The following SPATS2L variants were observed in gnomAD, a reference collection of about 807,000 sequenced individuals.
SPATS2L encodes spermatogenesis associated serine rich 2 like.
SPATS2L carries 30 observed loss-of-function variants against 59.6 expected under a neutral mutation model. That is an observed-to-expected ratio of 0.50 (90% CI 0.38 to 0.68). SPATS2L has a LOEUF of 0.68. Ranked by LOEUF, SPATS2L falls within the 30% of genes least tolerant of loss-of-function variation. The pLI, the probability that SPATS2L is intolerant of heterozygous loss-of-function variation, is 0.00. For missense variants in SPATS2L, 615 were observed against 700.0 expected, an observed-to-expected ratio of 0.88 and a Z score of 1.37; for synonymous variants, 252 against 263.5, an observed-to-expected ratio of 0.96 and a Z score of 0.42.
intron 2 of SPATS2L, among the ~76,000 whole-genome samples, chr2:200,330,809 C>G (rs899092891): frequency 1.3e-5 from 2 of 152,192 alleles, no homozygotes; most frequent in African/African-American, 4.8e-5. Flanking sequence ...CTGCCTGTCA[C>G]TAATCATATT....
At chr2:200,350,404 G>T (rs2080680067) in intron 2 of SPATS2L, among the ~76,000 whole-genome samples, 1 of 152,104 alleles carries the variant, frequency 6.6e-6, no homozygotes, top group Admixed American at 6.6e-5. Flanking sequence ...ATCCAAGCAG[G>T]TTTTGGAAGA....
At chr2:200,473,553 AAGG>A (rs1273511145) in intron 12 of SPATS2L, among the ~76,000 whole-genome samples, 1 of 152,228 alleles carries the variant, frequency 6.6e-6, no homozygotes, top group African/African-American at 2.4e-5. Context: ...GGATTTCAGT[AAGG>A]AGAATACATT....
chr2:200,443,437 A>T (rs1384660394), intron 8 of SPATS2L, among the ~76,000 whole-genome samples: 1 of 152,196 alleles, frequency 6.6e-6, no homozygotes, highest in Non-Finnish European at 1.5e-5. Flanking sequence ...TCAGGATTAC[A>T]TCATGAGGCA....
At chr2:200,461,764 T>C (rs545465250) in intron 9 of SPATS2L, among the ~76,000 whole-genome samples, 2 of 152,368 alleles carry the variant, frequency 1.3e-5, no homozygotes, top group South Asian at 4.1e-4. Context: ...TTCATTCTTT[T>C]TTATTTTTCT....
chr2:200,334,129 AGT>A (rs1217013513), intron 2 of SPATS2L, among the ~76,000 whole-genome samples: 1 of 152,200 alleles, frequency 6.6e-6, no homozygotes, highest in African/African-American at 2.4e-5. Flanking sequence ...ACAGTGTAAA[AGT>A]GTTCCTATTT....
chr2:200,458,446 G>A (rs547982829), intron 8 of SPATS2L, among the ~76,000 whole-genome samples: 1 of 152,010 alleles, frequency 6.6e-6, no homozygotes, highest in South Asian at 2.1e-4. Flanking sequence ...CTTATCAAGT[G>A]TTCCTCCTAA....
chr2:200,419,092 A>C (rs972713127), intron 5 of SPATS2L, among the ~76,000 whole-genome samples, 158 bp from the exon 6 acceptor site: 1 of 152,148 alleles, frequency 6.6e-6, no homozygotes, highest in African/African-American at 2.4e-5. Context: ...ACTTAAATTA[A>C]CTTGGGTGGT....
chr2:200,320,339 G>T (rs888819421), intron 1 of SPATS2L, among the ~76,000 whole-genome samples: 2 of 152,154 alleles, frequency 1.3e-5, no homozygotes, highest in African/African-American at 4.8e-5. Context: ...TATTTTTAAT[G>T]TATCTAAGAG....
At position 200,389,330 on chromosome 2, in the gene SPATS2L, A is replaced by G. The variant is rs766928186; in HGVS notation, c.39+47A>G. 48 of 1,332,860 alleles carry G rather than the reference A, an allele frequency of 3.6e-5. No individual in the cohort carries two copies. In the South Asian group the frequency reaches 5.7e-4, roughly 16 times the overall value. 82.6% of individuals were successfully genotyped at this position (1,332,860 alleles called of 1,614,324 possible). ...GCTCACAGAAACTCCAAACTAGGTA[A>G]TGCAGTTCCTAGCAGGTAAAAACTC... On this transcript the variant is annotated intron_variant, in intron 3 of 12. Transcript: ENST00000409140.
intron 12 of SPATS2L, 85 bp from the exon 13 acceptor site, chr2:200,477,551 C>A: frequency 7.6e-6 from 4 of 527,558 alleles, no homozygotes; most frequent in Non-Finnish European, 1.1e-5. Context: ...TTACCTGTGG[C>A]TTAGAGATTT....
intron 12 of SPATS2L, 29 bp downstream of exon 12, chr2:200,473,081 A>G (rs779272138): frequency 1.2e-5 from 17 of 1,421,056 alleles, no homozygotes; most frequent in Non-Finnish European, 1.3e-5. Flanking sequence ...AGGGTGCCAG[A>G]GGAAAAAAAA....
intron 9 of SPATS2L, among the ~76,000 whole-genome samples, chr2:200,466,918 G>A (rs2086643186): frequency 6.6e-6 from 1 of 152,210 alleles, no homozygotes; most frequent in African/African-American, 2.4e-5. Context: ...TAGACTTCCT[G>A]TCTTGGCGGT....
chr2:200,346,426 A>C lies in SPATS2L; in HGVS notation c.-23+16946A>C, dbSNP rs532264744. On this transcript the variant is annotated intron_variant, in intron 2 of 12. Transcript: ENST00000409140. ...CTCTCAGTTCTGAAGTTGTGTGACT[A>C]TGATCTATAAAGGTCATTTATTGTT... 2.0e-5 allele frequency among the ~76,000 whole-genome samples: 3 copies of C among 152,272 alleles called. No homozygotes were observed. In the East Asian group the frequency reaches 5.8e-4, roughly 29 times the overall value.
intron 9 of SPATS2L, among the ~76,000 whole-genome samples, chr2:200,462,544 G>A (rs999587644): frequency 2.6e-5 from 4 of 152,186 alleles, no homozygotes; most frequent in Non-Finnish European, 4.4e-5. Context: ...TTTTGAGGCA[G>A]GCAGAACTGA....
intron 1 of SPATS2L, chr2:200,308,817 A>T (rs2079106957): frequency 2.3e-6 from 1 of 442,846 alleles, no homozygotes; most frequent in African/African-American, 2.0e-5. Context: ...TCTAAGAATC[A>T]ACTTAGTTTA....
intron 1 of SPATS2L, 144 bp downstream of exon 1, chr2:200,307,066 A>G (rs2105731507): frequency 2.9e-6 from 2 of 686,380 alleles, no homozygotes; most frequent in Non-Finnish European, 3.6e-6. Flanking sequence ...CGCCTCCCGG[A>G]GCGCTGGGTG....
chr2:200,402,646 A>G (rs887899690), intron 3 of SPATS2L, among the ~76,000 whole-genome samples: 8 of 152,072 alleles, frequency 5.3e-5, no homozygotes, highest in African/African-American at 1.9e-4. Flanking sequence ...TTCATCAAAC[A>G]TTTGCCTTCC....
At chr2:200,403,820 A>G (rs1450070683) in intron 3 of SPATS2L, among the ~76,000 whole-genome samples, 2 of 152,240 alleles carry the variant, frequency 1.3e-5, no homozygotes, top group Non-Finnish European at 2.9e-5. Flanking sequence ...AGGCCTGCTC[A>G]GCATTCCATC....
rs1258154165 is a variant in SPATS2L at position 200,469,896 on chromosome 2, T to G, written c.958-18T>G. The G allele has an allele frequency of 6.3e-7, 1 of 1,594,218 alleles. No homozygotes were observed. The highest frequency in any genetic ancestry group is 1.7e-5 in the Admixed American group (1 of 57,366). ...TTCTGTAATCATGGGGTTCCTGCTT[T>G]TCATCTCTTTCCTCCAGCACTTTGT... On this transcript the variant is annotated intron_variant, in intron 10 of 12. Coordinates refer to ENST00000409140, the MANE Select transcript of SPATS2L (RefSeq NM_001100423.2).
Sources: gnomAD v4.1 joint callset for allele counts (sites outside exome capture counted in the v4.1 genomes callset) on GRCh38, gnomAD v4.1.1 for gene constraint, MANE v1.5 for transcripts, NCBI Gene and HGNC (gene_info 2026-07-23, HGNC 2026-07-21) for gene names.